Variants in CUX1 observed in about 807,000 individuals in gnomAD.
CUX1 encodes cut like homeobox 1, also known as protein CASP.
CUX1 carries 31 observed loss-of-function variants against 158.8 expected under a neutral mutation model. That is an observed-to-expected ratio of 0.20 (90% CI 0.15 to 0.26). The LOEUF (loss-of-function observed/expected upper bound fraction) is 0.26, where lower values mean the gene tolerates loss of function less well. Ranked by LOEUF, CUX1 falls within the 10% of genes least tolerant of loss-of-function variation. The probability of loss-of-function intolerance (pLI) is 1.00; values close to 1 mark genes in which losing one functional copy is unlikely to be tolerated. For missense variants in CUX1, 1,589 were observed against 2,014.6 expected, an observed-to-expected ratio of 0.79 and a Z score of 4.04; for synonymous variants, 879 against 862.1, an observed-to-expected ratio of 1.02 and a Z score of -0.34.
intron 2 of CUX1, among the ~76,000 whole-genome samples, chr7:101,957,309 T>C (rs1214492177): frequency 1.3e-5 from 2 of 152,240 alleles, no homozygotes; most frequent in African/African-American, 4.8e-5. Flanking sequence ...ATGAGGACAC[T>C]GGATTCTTCC....
intron 15 of CUX1, chr7:102,273,607 G>A: frequency 7.6e-7 from 1 of 1,319,402 alleles, no homozygotes; most frequent in Non-Finnish European, 1.0e-6. Flanking sequence ...TGACAACCCA[G>A]AAGGGCTGTC....
intron 1 of CUX1, among the ~76,000 whole-genome samples, chr7:101,870,105 G>A (rs577529948): frequency 1.4e-5 from 2 of 147,638 alleles, no homozygotes; most frequent in South Asian, 2.1e-4. Flanking sequence ...GTCTCACCCC[G>A]CTGCAGCTTG....
At chr7:102,162,031 A>G (rs1790482120) in intron 9 of CUX1, among the ~76,000 whole-genome samples, 1 of 152,134 alleles carries the variant, frequency 6.6e-6, no homozygotes, top group Non-Finnish European at 1.5e-5. Flanking sequence ...GGGGGTTCGG[A>G]GACGTTCCTA....
chr7:102,169,094 C>A (rs1322054032), intron 9 of CUX1, among the ~76,000 whole-genome samples: 2 of 151,916 alleles, frequency 1.3e-5, no homozygotes, highest in Non-Finnish European at 2.9e-5. Flanking sequence ...CCACCATGCC[C>A]AGCTCATTTT....
At chr7:102,215,917 A>T (rs1326236660) in intron 20 of CUX1, among the ~76,000 whole-genome samples, 1 of 152,202 alleles carries the variant, frequency 6.6e-6, no homozygotes, top group African/African-American at 2.4e-5. Context: ...CTCCACACAG[A>T]TGGGCACCCC....
In CUX1 at chr7:102,236,852, C is replaced by T. The variant is rs1271129592; in HGVS notation, c.3623-2468C>T. On this transcript the variant is annotated intron_variant, in intron 22 of 23. Transcript: ENST00000292535. ...CTTCCCAGGCCTCCCATCTTTCCCTCGGCACAGGCTCGGGGCGCCCTCTTG... is the reference window on the plus strand; with the variant it reads ...CTTCCCAGGCCTCCCATCTTTCCCTTGGCACAGGCTCGGGGCGCCCTCTTG... 4.6e-5 allele frequency among the ~76,000 whole-genome samples: 7 copies of T among 152,312 alleles called. No individual in the cohort carries two copies. In the East Asian group the frequency reaches 7.7e-4, roughly 17 times the overall value.
intron 1 of CUX1, among the ~76,000 whole-genome samples, chr7:101,856,182 CAAAA>C (rs768518044): frequency 1.7e-4 from 8 of 48,040 alleles, no homozygotes; most frequent in African/African-American, 2.2e-4. Flanking sequence ...GACCCTGTCT[CAAAA>C]AAAAAAAAAA....
chr7:102,080,365 A>T (rs543713127), intron 4 of CUX1, among the ~76,000 whole-genome samples: 49 of 152,204 alleles, frequency 3.2e-4, no homozygotes, highest in Non-Finnish European at 6.2e-4. Flanking sequence ...CCGTATGACT[A>T]ATTATGCCCT....
At position 101,949,623 on chromosome 7, in the gene CUX1, C is replaced by G. The variant is rs1002608771; in HGVS notation, c.141+33398C>G. Among the ~76,000 whole-genome samples, 3 of 151,468 alleles carry G rather than the reference C, an allele frequency of 2.0e-5. 1 individual carries two copies. The South Asian group carries it at 6.3e-4, about 32-fold the overall frequency. ...TTGGCTCACTGCAACCTCCACCTCC[C>G]GGGTTCAAGTGATTCTCGTGCCTCA... On this transcript the variant is annotated intron_variant, in intron 2 of 23. Transcript: ENST00000292535.
chr7:102,003,966 C>A (rs1243269803), intron 2 of CUX1, among the ~76,000 whole-genome samples: 1 of 152,110 alleles, frequency 6.6e-6, no homozygotes, highest in South Asian at 2.1e-4. Context: ...CATAGTGAGA[C>A]CCCTGTCTCT....
At chr7:101,890,690 A>G (rs762664569) in intron 1 of CUX1, among the ~76,000 whole-genome samples, 12 of 151,778 alleles carry the variant, frequency 7.9e-5, no homozygotes, top group Admixed American at 3.9e-4. Context: ...GCGTATTTCT[A>G]CTCACTGCTG....
At chr7:101,849,189 T>C (rs1210681422) in intron 1 of CUX1, among the ~76,000 whole-genome samples, 1 of 152,122 alleles carries the variant, frequency 6.6e-6, no homozygotes, top group African/African-American at 2.4e-5. Context: ...TGTTCATGGA[T>C]ACAAGTGCAG....
chr7:101,945,478 C>T (rs1808251453), intron 2 of CUX1, among the ~76,000 whole-genome samples: 1 of 152,186 alleles, frequency 6.6e-6, no homozygotes, highest in Non-Finnish European at 1.5e-5. Flanking sequence ...TGCACAAGGA[C>T]TCATGGAAAT....
At chr7:102,092,427 C>G (rs995136557) in intron 4 of CUX1, among the ~76,000 whole-genome samples, 5 of 152,196 alleles carry the variant, frequency 3.3e-5, no homozygotes, top group Non-Finnish European at 7.3e-5. Flanking sequence ...CTTCCCTGTC[C>G]CCTTGTCTCT....
At chr7:102,198,014 G>A (rs965319380) in intron 15 of CUX1, among the ~76,000 whole-genome samples, 1 of 152,204 alleles carries the variant, frequency 6.6e-6, no homozygotes, top group South Asian at 2.1e-4. Context: ...AGCAGTTTGG[G>A]AGGCTGAGGT....
At chr7:101,868,336 T>A (rs1798136995) in intron 1 of CUX1, among the ~76,000 whole-genome samples, 1 of 152,216 alleles carries the variant, frequency 6.6e-6, no homozygotes, top group South Asian at 2.1e-4. Flanking sequence ...TTTTGTCCTT[T>A]GCTGTCCCTG....
intron 2 of CUX1, among the ~76,000 whole-genome samples, chr7:101,987,905 C>T (rs1031585077): frequency 6.5e-4 from 99 of 152,324 alleles, no homozygotes; most frequent in East Asian, 5.8e-4. Context: ...AAAGCTGACT[C>T]TGTTGGTGTA....
chr7:102,056,257 G>A (rs1428212836), intron 3 of CUX1, among the ~76,000 whole-genome samples: 1 of 152,200 alleles, frequency 6.6e-6, no homozygotes, highest in Non-Finnish European at 1.5e-5. Context: ...GATTTTCAAT[G>A]TAGGTAAAAT....
At chr7:101,949,133 A>G (rs529678023) in intron 2 of CUX1, among the ~76,000 whole-genome samples, 1 of 151,848 alleles carries the variant, frequency 6.6e-6, no homozygotes, top group African/African-American at 2.4e-5. Context: ...GGTCATTATT[A>G]TTATTATTAT....
Sources: allele counts gnomAD v4.1 joint callset (sites outside exome capture counted in the v4.1 genomes callset), GRCh38; gene constraint gnomAD v4.1.1; transcripts MANE v1.5; gene names NCBI Gene and HGNC (gene_info 2026-07-23, HGNC 2026-07-21).